CMKLR2: variants seen among roughly 807,000 people sequenced by gnomAD.
CMKLR2 encodes chemerin-like receptor 2.
In CMKLR2, 18 loss-of-function variants were observed where a neutral mutation model predicts 23.0. The observed-to-expected ratio is 0.78, with a 90% CI of 0.54 to 1.16. The LOEUF (loss-of-function observed/expected upper bound fraction) is 1.16. Among genes scored for constraint, CMKLR2 ranks in the 50% most tolerant of loss-of-function variants. The pLI is 0.00. For missense variants in CMKLR2, 401 were observed against 412.7 expected, an observed-to-expected ratio of 0.97 and a Z score of 0.25; for synonymous variants, 158 against 158.9, an observed-to-expected ratio of 0.99 and a Z score of 0.05.
At chr2:206,216,625 G>A, upstream of CMKLR2, among the ~76,000 whole-genome samples, 1 of 152,142 alleles carries the variant, frequency 6.6e-6, no homozygotes, top group East Asian at 1.9e-4. Flanking sequence ...CAGGTCTATA[G>A]GGCCAACTGG....
At chr2:206,200,316 G>C (rs1013351298) in intron 1 of CMKLR2, among the ~76,000 whole-genome samples, 1 of 152,144 alleles carries the variant, frequency 6.6e-6, no homozygotes, top group African/African-American at 2.4e-5. Context: ...CCAGCTGCTC[G>C]GGAGGCTGAG....
chr2:206,216,010 G>T (rs1469983461), upstream of CMKLR2, among the ~76,000 whole-genome samples: 1 of 152,180 alleles, frequency 6.6e-6, no homozygotes, highest in Admixed American at 6.6e-5. Flanking sequence ...AGAATTGAGT[G>T]TATGAGGGGA....
At chr2:206,215,286 C>T (rs1045076590), upstream of CMKLR2, among the ~76,000 whole-genome samples, 11 of 152,146 alleles carry the variant, frequency 7.2e-5, no homozygotes, top group African/African-American at 1.4e-4. Context: ...CATTCCTTTG[C>T]GTTAGCAGTA....
At chr2:206,182,668 C>CTGGAA (rs1198014293) in intron 1 of CMKLR2, among the ~76,000 whole-genome samples, 1 of 152,066 alleles carries the variant, frequency 6.6e-6, no homozygotes, top group Non-Finnish European at 1.5e-5. Context: ...GTCACCCAGG[C>CTGGAA]TGGAGTGCAG....
rs76196227 is a variant in CMKLR2, at chr2:206,184,829, A to C, written c.-28-7554T>G. On this transcript the variant is annotated intron_variant, in intron 1 of 1. Coordinates refer to ENST00000621141, the MANE Select transcript of CMKLR2 (RefSeq NM_001389445.1). ...GATACTTCACTAAATAAGACAGACAACTATTTCTTCCCTCTTAGATTTTAT... is the reference window on the plus strand; with the variant it reads ...GATACTTCACTAAATAAGACAGACACCTATTTCTTCCCTCTTAGATTTTAT... Among the ~76,000 whole-genome samples, 1,085 of 152,288 alleles carry C rather than the reference A, an allele frequency of 7.1e-3. 20 individuals are homozygous for C. Among genetic ancestry groups the C allele is most frequent in the African/African-American group, 0.025 (1,034 of 41,558 alleles).
chr2:206,200,593 A>G (rs1227563383), intron 1 of CMKLR2, among the ~76,000 whole-genome samples: 2 of 152,230 alleles, frequency 1.3e-5, no homozygotes, highest in Non-Finnish European at 2.9e-5. Flanking sequence ...CAGTAATACA[A>G]TATACCTTCA....
intron 1 of CMKLR2, among the ~76,000 whole-genome samples, chr2:206,198,323 A>G (rs1688983727): frequency 6.6e-6 from 1 of 152,158 alleles, no homozygotes; most frequent in Non-Finnish European, 1.5e-5. Context: ...GATGGTTCTA[A>G]AATGTAGCTC....
chr2:206,199,130 C>G (rs1055973833), intron 1 of CMKLR2, among the ~76,000 whole-genome samples: 1 of 152,212 alleles, frequency 6.6e-6, no homozygotes, highest in Non-Finnish European at 1.5e-5. Context: ...GGTGCAATGG[C>G]TCACACCTGT....
chr2:206,179,717 T>C (rs1055908285), intron 1 of CMKLR2, among the ~76,000 whole-genome samples: 15 of 152,310 alleles, frequency 9.8e-5, no homozygotes, highest in African/African-American at 3.4e-4. Context: ...GTATACTGTG[T>C]GTAACTCTGT....
intron 1 of CMKLR2, among the ~76,000 whole-genome samples, chr2:206,204,335 C>CA (rs1689229774): frequency 8.6e-6 from 1 of 116,458 alleles, no homozygotes; most frequent in African/African-American, 3.4e-5. Context: ...GCCTGGGCGA[C>CA]AGAGCGAGAC....
At chr2:206,206,524 A>G (rs1372861148) in intron 1 of CMKLR2, among the ~76,000 whole-genome samples, 1 of 152,246 alleles carries the variant, frequency 6.6e-6, no homozygotes, top group Non-Finnish European at 1.5e-5. Context: ...GGTAAGCGGT[A>G]CTTTTAGATG....
At chr2:206,209,341 A>G (rs1440392979) in intron 1 of CMKLR2, among the ~76,000 whole-genome samples, 1 of 144,420 alleles carries the variant, frequency 6.9e-6, no homozygotes, top group African/African-American at 2.6e-5. Context: ...TCTGTCTCCA[A>G]AAAAAAAAAA....
chr2:206,195,694 C>A lies in CMKLR2; in HGVS notation c.-29+17613G>T, dbSNP rs141393229. Among the ~76,000 whole-genome samples, 17 of 152,330 alleles carry A rather than the reference C, an allele frequency of 1.1e-4. No individual in the cohort carries two copies. In the East Asian group the frequency reaches 2.7e-3, roughly 24 times the overall value. On this transcript the variant is annotated intron_variant, in intron 1 of 1. Transcript: ENST00000621141. ...CAGAGGCCAGGCGCAGTGGCTCACG[C>A]CTGTAATCCCAGCACTTTGGGAGGC...
At chr2:206,217,247 T>C (rs1253345947), upstream of CMKLR2, 2 of 152,198 alleles carry the variant, frequency 1.3e-5, no homozygotes, top group East Asian at 1.9e-4. Context: ...ATGCCTTTCT[T>C]AGGGCTGGCT....
chr2:206,204,508 C>T (rs184724263), intron 1 of CMKLR2, among the ~76,000 whole-genome samples: 199 of 152,134 alleles, frequency 1.3e-3, no homozygotes, highest in Admixed American at 3.0e-3. Flanking sequence ...ATCAATGGCT[C>T]TAATCAGAGA....
At position 206,177,053 on chromosome 2, in the gene CMKLR2, G is replaced by T. The variant is rs201695021; in HGVS notation, c.195C>A (p.Phe65Leu). 7.4e-6 allele frequency: 12 copies of T among 1,614,142 alleles called. No individual in the cohort carries two copies. In the East Asian group the frequency reaches 2.5e-4, roughly 33 times the overall value. Residue 65 changes from phenylalanine to leucine, a missense_variant, in exon 2 of 2, where the codon TTC (phenylalanine) becomes TTA (leucine). Physicochemically the swap from Phe to Leu is conservative, Grantham distance 22 (BLOSUM62 0). Transcript: ENST00000621141. Reference sequence around the variant, plus strand: ...GAGTGGTGACTGTCTTCTTCCACTTGAACCCCGTGAACCAAATGACGATGG... The same window carrying T: ...GAGTGGTGACTGTCTTCTTCCACTTTAACCCCGTGAACCAAATGACGATGG... ...GNAIVIWFTG[F>L]KWKKTVTTLW...
chr2:206,206,736 T>C (rs1043513693), intron 1 of CMKLR2, among the ~76,000 whole-genome samples: 2 of 152,144 alleles, frequency 1.3e-5, no homozygotes, highest in African/African-American at 4.8e-5. Context: ...TGGCAAACTG[T>C]AGGGCTCAAT....
upstream of CMKLR2, among the ~76,000 whole-genome samples, chr2:206,216,661 C>G (rs1306683307): frequency 6.6e-6 from 1 of 152,162 alleles, no homozygotes; most frequent in Admixed American, 6.6e-5. Context: ...ATACACAATG[C>G]CGCTATCATA....
In CMKLR2 at chr2:206,184,585, G is replaced by A. The variant is rs1406285254; in HGVS notation, c.-28-7310C>T. ...GCTGGGATTACAGGTGTGAGCCACC[G>A]TGCCCAACCTAGACCCCATTTCAAA... is the stretch of plus-strand genomic sequence containing the variant. On this transcript the variant is annotated intron_variant, in intron 1 of 1. Transcript: ENST00000621141. Among the ~76,000 whole-genome samples, 9 of 151,938 alleles carry A rather than the reference G, an allele frequency of 5.9e-5. No individual in the cohort carries two copies. In the East Asian group the frequency reaches 1.4e-3, roughly 23 times the overall value.
Sources: allele counts gnomAD v4.1 joint callset (sites outside exome capture counted in the v4.1 genomes callset), GRCh38; gene constraint gnomAD v4.1.1; transcripts MANE v1.5; gene names NCBI Gene and HGNC (gene_info 2026-07-23, HGNC 2026-07-21).